Variants in PAK5 observed in about 807,000 individuals in gnomAD.
PAK5 encodes the protein p21 (RAC1) activated kinase 5.
Under a neutral mutation model 65.9 loss-of-function variants are expected in PAK5, and 16 were observed. That is an observed-to-expected ratio of 0.24 (90% CI 0.16 to 0.37). The LOEUF (loss-of-function observed/expected upper bound fraction) is 0.37. PAK5 is among the 10% of genes least tolerant of loss of function. The pLI is 1.00. For synonymous variants in PAK5, 371 were observed against 354.9 expected (o/e 1.05, Z -0.51); for missense variants, 785 against 903.9 (o/e 0.87, Z 1.69).
At chr20:9,791,907 C>T (rs1569089761) in intron 1 of PAK5, among the ~76,000 whole-genome samples, 2 of 152,090 alleles carry the variant, frequency 1.3e-5, no homozygotes, top group African/African-American at 2.4e-5. Flanking sequence ...CTTTGCAAGA[C>T]TTTGTCTTTG....
chr20:9,774,768 C>A (rs750502635), intron 1 of PAK5, among the ~76,000 whole-genome samples: 1 of 151,834 alleles, frequency 6.6e-6, no homozygotes, highest in Non-Finnish European at 1.5e-5. Flanking sequence ...ATGGTGAAAC[C>A]CCGTCTCTAC....
At chr20:9,690,750 C>CTTTTT (rs112955560) in intron 2 of PAK5, among the ~76,000 whole-genome samples, 208 of 103,908 alleles carry the variant, frequency 2.0e-3, no homozygotes, top group Non-Finnish European at 2.9e-3. Context: ...TTCTTTCTTT[C>CTTTTT]TTTTTTTTTT....
chr20:9,592,463 G>A (rs2046189452), intron 3 of PAK5, among the ~76,000 whole-genome samples: 1 of 152,190 alleles, frequency 6.6e-6, no homozygotes, highest in Admixed American at 6.5e-5. Context: ...TCTGGGTGAT[G>A]AAAATGTTGT....
chr20:9,609,718 A>G (rs1348786251), intron 3 of PAK5, among the ~76,000 whole-genome samples: 3 of 152,194 alleles, frequency 2.0e-5, no homozygotes, highest in African/African-American at 7.2e-5. Context: ...AAAAATGACT[A>G]TAAATTTTGA....
At position 9,557,616 on chromosome 20, in the gene PAK5, C is replaced by A. The variant is rs748547848; in HGVS notation, c.1735G>T (p.Asp579Tyr). The A allele has an allele frequency of 6.2e-7, 1 of 1,609,554 alleles. No homozygotes were observed. Among genetic ancestry groups the A allele is most frequent in the Non-Finnish European group, 8.5e-7 (1 of 1,178,036 alleles). Residue 579 changes from aspartate (D) to tyrosine (Y), a missense_variant, in exon 7 of 10, where the codon GAT becomes TAT. By Grantham distance (160) the Asp-to-Tyr change is radical. Around this residue, in one of 4 missense-constraint regions of PAK5, gnomAD observed 182 missense variants for 273.0 expected, o/e 0.67. Transcript: ENST00000353224. ...IKSDSILLTS[D>Y]GRIKLSDFGF... Reference sequence around the variant, plus strand: ...AAACATGAACATCTTACCCGGCCATCGCTTGTCAGGAGGATGGAGTCACTT... The same window carrying A: ...AAACATGAACATCTTACCCGGCCATAGCTTGTCAGGAGGATGGAGTCACTT...
At chr20:9,640,657 G>C (rs748953550) in intron 3 of PAK5, among the ~76,000 whole-genome samples, 7 of 152,148 alleles carry the variant, frequency 4.6e-5, no homozygotes, top group Non-Finnish European at 1.0e-4. Context: ...AAAGTGGCAC[G>C]TCTGGAGTCT....
chr20:9,769,836 C>T (rs1316944561), intron 1 of PAK5, among the ~76,000 whole-genome samples: 1 of 152,130 alleles, frequency 6.6e-6, no homozygotes, highest in Non-Finnish European at 1.5e-5. Flanking sequence ...CTGATATGAC[C>T]TCTGGCATTG....
intron 3 of PAK5, among the ~76,000 whole-genome samples, chr20:9,631,442 G>T (rs958514203): frequency 2.0e-5 from 3 of 152,160 alleles, no homozygotes; most frequent in Non-Finnish European, 4.4e-5. Flanking sequence ...TTTCCTGCTA[G>T]CCTTGAAGAA....
chr20:9,559,691 A>G (rs2045563780), intron 6 of PAK5, among the ~76,000 whole-genome samples: 1 of 152,088 alleles, frequency 6.6e-6, no homozygotes, highest in African/African-American at 2.4e-5. Flanking sequence ...TGAACCTGGG[A>G]GGCAGAGGTT....
At chr20:9,820,143 T>G (rs2049402735) in intron 1 of PAK5, among the ~76,000 whole-genome samples, 1 of 152,178 alleles carries the variant, frequency 6.6e-6, no homozygotes. Context: ...AAGAATCCTG[T>G]TGAAGATACG....
chr20:9,837,292 T>C (rs913778100), intron 1 of PAK5, among the ~76,000 whole-genome samples: 7 of 152,238 alleles, frequency 4.6e-5, no homozygotes, highest in African/African-American at 1.7e-4. Context: ...TTTACTTAAA[T>C]GCATTTTCCT....
intron 1 of PAK5, among the ~76,000 whole-genome samples, chr20:9,835,857 C>G (rs1324430078): frequency 6.6e-6 from 1 of 152,188 alleles, no homozygotes; most frequent in Admixed American, 6.5e-5. Flanking sequence ...TTAAGAAGGA[C>G]TAGAAAGTTG....
In PAK5 at chr20:9,640,390, C is replaced by T. The variant is rs571538505; in HGVS notation, c.204+3735G>A. Among the ~76,000 whole-genome samples the T allele has an allele frequency of 1.4e-4, 22 of 152,044 alleles. No individual in the cohort carries two copies. In the South Asian group the frequency reaches 4.6e-3, roughly 32 times the overall value. On this transcript the variant is annotated intron_variant, in intron 3 of 9. Coordinates refer to ENST00000353224, the MANE Select transcript of PAK5 (RefSeq NM_177990.4). ...TCCATGTCCCTACAAAGGACATGAA[C>T]TCATCATTTTTTATGGCTGCATAGT...
chr20:9,612,183 G>A (rs959150387), intron 3 of PAK5, among the ~76,000 whole-genome samples: 2 of 152,166 alleles, frequency 1.3e-5, no homozygotes, highest in Non-Finnish European at 2.9e-5. Context: ...GTCCTCTGGG[G>A]CCGCCCTGCC....
chr20:9,614,722 C>T (rs1043725429), intron 3 of PAK5, among the ~76,000 whole-genome samples: 16 of 152,192 alleles, frequency 1.1e-4, no homozygotes, highest in African/African-American at 3.6e-4. Flanking sequence ...ATTCTATACT[C>T]TGTGACATTA....
chr20:9,677,527 C>G (rs1456130880), intron 2 of PAK5, among the ~76,000 whole-genome samples: 6 of 152,080 alleles, frequency 3.9e-5, no homozygotes. Context: ...TTCCAGCAAC[C>G]CCTCCATTGT....
At chr20:9,659,486 T>A (rs898839040) in intron 2 of PAK5, among the ~76,000 whole-genome samples, 32 of 152,214 alleles carry the variant, frequency 2.1e-4, no homozygotes, top group Non-Finnish European at 2.5e-4. Context: ...CTACCACTTG[T>A]CTGAAAACCT....
At chr20:9,722,653 T>C (rs774651558) in intron 1 of PAK5, among the ~76,000 whole-genome samples, 9 of 151,984 alleles carry the variant, frequency 5.9e-5, no homozygotes, top group Non-Finnish European at 1.3e-4. Flanking sequence ...AAAGGCAAGG[T>C]AAGTAGCCAG....
chr20:9,588,250 A>G (rs1239135979), intron 3 of PAK5, among the ~76,000 whole-genome samples: 1 of 152,244 alleles, frequency 6.6e-6, no homozygotes, highest in East Asian at 1.9e-4. Context: ...AATGAAAGAA[A>G]AATCTAAAAG....
Sources: allele counts gnomAD v4.1 joint callset (sites outside exome capture counted in the v4.1 genomes callset), GRCh38; gene constraint gnomAD v4.1.1; regional missense constraint gnomAD v4.1.1; transcripts MANE v1.5; gene names NCBI Gene and HGNC (gene_info 2026-07-23, HGNC 2026-07-21).